The following ACOT9 variants were observed in gnomAD, a reference collection of about 807,000 sequenced individuals.
ACOT9 encodes the protein acyl-coenzyme A thioesterase 9, mitochondrial.
ACOT9 carries 34 observed loss-of-function variants against 39.7 expected under a neutral mutation model. The ratio of observed to expected loss-of-function variants is 0.86; its 90% CI spans 0.65 to 1.14. The LOEUF (loss-of-function observed/expected upper bound fraction) is 1.14. Ranked by LOEUF, ACOT9 falls within the 50% of genes most tolerant of loss-of-function variation. The pLI is 0.00. For missense variants in ACOT9, 313 were observed against 344.1 expected (o/e 0.91, Z 0.71); for synonymous variants, 110 against 120.5 (o/e 0.91, Z 0.57).
At chrX:23,708,365 T>C (rs1190366188) in intron 9 of ACOT9, among the ~76,000 whole-genome samples, 4 of 109,965 alleles carry the variant, frequency 3.6e-5, no homozygotes, top group Admixed American at 9.8e-5. Context: ...ACCTCGTTTC[T>C]ACTAAAAATA....
intron 2 of ACOT9, among the ~76,000 whole-genome samples, chrX:23,735,292 A>AATAG (rs1450688549): frequency 9.4e-6 from 1 of 106,431 alleles, no homozygotes; most frequent in Non-Finnish European, 1.9e-5. Context: ...AAGTACCTCA[A>AATAG]ATAGTACATG....
intron 1 of ACOT9, among the ~76,000 whole-genome samples, chrX:23,739,086 C>T (rs1008028393): frequency 2.7e-5 from 3 of 111,308 alleles, no homozygotes; most frequent in African/African-American, 9.8e-5. Context: ...GGTGAAACCC[C>T]GTCTCTACTA....
At position 23,717,735 on chromosome X, in the gene ACOT9, T is replaced by C. The variant is rs372841816; in HGVS notation, c.588+4146A>G. ...TAAGGAGCACTCAGGAAAGTGGGTA[T>C]GAAGGTCAAGCCCAAAATAGAAATT... On this transcript the variant is annotated intron_variant, in intron 8 of 15. Transcript: ENST00000379303. 1.1e-4 allele frequency among the ~76,000 whole-genome samples: 12 copies of C among 111,657 alleles called. No individual in the cohort carries two copies. In the South Asian group the frequency reaches 4.5e-3, roughly 42 times the overall value.
chrX:23,730,431 T>G (rs757483437), intron 6 of ACOT9, 96 bp downstream of exon 6: 1 of 688,538 alleles, frequency 1.5e-6, no homozygotes, highest in Non-Finnish European at 2.3e-6. Flanking sequence ...AATATCATCA[T>G]CTGTGCAGGT....
At position 23,736,020 on chromosome X, in the gene ACOT9, T is replaced by C; in HGVS notation, c.21-4A>G. 8.4e-7 allele frequency: 1 copy of C among 1,190,163 alleles called. No individual in the cohort carries two copies. Among genetic ancestry groups the C allele is most frequent in the South Asian group, 1.8e-5 (1 of 55,095 alleles). On this transcript the variant is annotated splice_region_variant and splice_polypyrimidine_tract_variant and intron_variant, in intron 1 of 15. Transcript: ENST00000379303. ...CCCTTTGCCCAAGGCACAAAGCCTA[T>C]AAAACAAGATAAAACACAGAGCAGA...
rs571344624 is a variant in ACOT9, at chrX:23,732,889, G to A, written c.191+283C>T. Among the ~76,000 whole-genome samples, 26 of 111,993 alleles carry A rather than the reference G, an allele frequency of 2.3e-4. 2 individuals are homozygous for A. In the South Asian group the frequency reaches 5.8e-3, roughly 25 times the overall value. On this transcript the variant is annotated intron_variant, in intron 4 of 15. Transcript: ENST00000379303. ...AAAAAAAGGAACAGGAACATATGTCGTAAGCACGTCACAAGTTTTGTTATG... is the reference window on the plus strand; with the variant it reads ...AAAAAAAGGAACAGGAACATATGTCATAAGCACGTCACAAGTTTTGTTATG...
At position 23,705,858 on chromosome X, in the gene ACOT9, C is replaced by T. The variant is rs763233076; in HGVS notation, c.843G>A (p.Lys281=). 8 of 1,183,128 alleles carry T rather than the reference C, an allele frequency of 6.8e-6. No homozygotes were observed. In the South Asian group the frequency reaches 1.4e-4, roughly 21 times the overall value. The stretch of plus-strand genomic sequence containing the variant: ...AAACTCGACTCCGAAAACTTATAGT[C>T]CTGTACAAATGAATATTTATTAAAC... ...HEMFLSTLDP[K]TISFRSRVLP... Residue 281 remains lysine, a splice_region_variant and synonymous_variant, in exon 12 of 16, where the codon AAG becomes AAA. Coordinates refer to ENST00000379303, the MANE Select transcript of ACOT9 (RefSeq NM_001037171.2).
intron 7 of ACOT9, among the ~76,000 whole-genome samples, chrX:23,722,425 G>A (rs1261994148): frequency 2.7e-5 from 3 of 110,359 alleles, no homozygotes; most frequent in Non-Finnish European, 5.7e-5. Flanking sequence ...TTAGCCGGGC[G>A]TGGTGGCACA....
intron 6 of ACOT9, 89 bp downstream of exon 6, chrX:23,730,438 A>C (rs1183900622): frequency 1.4e-6 from 1 of 712,684 alleles, no homozygotes; most frequent in East Asian, 3.2e-5. Context: ...TCATCTGTGC[A>C]GGTTAAAGAA....
At chrX:23,742,986 G>C (rs1009953362) in intron 1 of ACOT9, 139 bp downstream of exon 1, 1 of 764,756 alleles carries the variant, frequency 1.3e-6, no homozygotes, top group Non-Finnish European at 1.7e-6. Context: ...AGGTACAGTG[G>C]GCGAGCGCCC....
At chrX:23,742,205 T>TGA (rs1490829230) in intron 1 of ACOT9, among the ~76,000 whole-genome samples, 1 of 65,561 alleles carries the variant, frequency 1.5e-5, no homozygotes, top group Admixed American at 1.9e-4. Flanking sequence ...CCAGGAACAG[T>TGA]GAGTGAGTGA....
At position 23,701,944 on chromosome X, in the gene ACOT9, A is replaced by G. The variant is rs932320540; in HGVS notation, c.*1950T>C. Among the ~76,000 whole-genome samples, 3 of 109,970 alleles carry G rather than the reference A, an allele frequency of 2.7e-5. No homozygotes were observed. The highest frequency in any genetic ancestry group is 5.7e-5 in the Non-Finnish European group (3 of 52,680). ...AAAAACTAGCCAGGCATGGGGGCTG[A>G]CACCTGTAATCCTAGCTACTCAGGA... On this transcript the variant is annotated 3_prime_UTR_variant, in exon 16 of 16. Transcript: ENST00000379303.
rs1239060794 is a variant in ACOT9 at position 23,702,335 on chromosome X, C to A, written c.*1559G>T. 9.7e-6 allele frequency: 1 copy of A among 102,963 alleles called. No homozygotes were observed. The highest frequency in any genetic ancestry group is 3.6e-5 in the African/African-American group (1 of 27,845). 8.5% of individuals were successfully genotyped at this position (102,963 alleles called of 1,213,427 possible). ...GTGGCATGATCACAGCTCACTGCAA[C>A]CTCTGCCTCCCAGGTTCAAGCAGTT... On this transcript the variant is annotated 3_prime_UTR_variant, in exon 16 of 16. Transcript: ENST00000379303.
intron 8 of ACOT9, among the ~76,000 whole-genome samples, chrX:23,717,513 A>G (rs1160917785): frequency 9.0e-6 from 1 of 111,585 alleles, no homozygotes; most frequent in Non-Finnish European, 1.9e-5. Context: ...CAGGGCCAAA[A>G]GGATATGGGG....
intron 11 of ACOT9, among the ~76,000 whole-genome samples, chrX:23,706,127 G>A (rs1002824484): frequency 9.0e-6 from 1 of 110,706 alleles, no homozygotes; most frequent in Non-Finnish European, 1.9e-5. Flanking sequence ...ATTAGCAGGC[G>A]TGGTGGCGGG....
At position 23,731,000 on chromosome X, in the gene ACOT9, A is replaced by T. The variant is rs1329699209; in HGVS notation, c.192-14T>A. The T allele has an allele frequency of 1.7e-6, 2 of 1,199,342 alleles. No homozygotes were observed. Among genetic ancestry groups the T allele is most frequent in the Non-Finnish European group, 2.3e-6 (2 of 887,497 alleles). ...TTCACATGGTCTCTGAGAAGAAAGG[A>T]TGCAGGATTCATAAAACAAGAGCAG... On this transcript the variant is annotated splice_polypyrimidine_tract_variant and intron_variant, in intron 4 of 15. Coordinates refer to ENST00000379303, the MANE Select transcript of ACOT9 (RefSeq NM_001037171.2).
chrX:23,727,040 G>A (rs1355851684), intron 6 of ACOT9, among the ~76,000 whole-genome samples: 1 of 111,759 alleles, frequency 8.9e-6, no homozygotes, highest in African/African-American at 3.2e-5. Context: ...GGCTGGTCTC[G>A]AACTCCTGGC....
At chrX:23,726,312 A>G (rs1820545737) in intron 6 of ACOT9, among the ~76,000 whole-genome samples, 1 of 112,124 alleles carries the variant, frequency 8.9e-6, no homozygotes, top group African/African-American at 3.2e-5. Flanking sequence ...ATCAACAGAA[A>G]AAGAGGAACC....
intron 8 of ACOT9, among the ~76,000 whole-genome samples, chrX:23,719,671 C>T (rs1245245968): frequency 9.0e-6 from 1 of 111,028 alleles, no homozygotes; most frequent in Non-Finnish European, 1.9e-5. Context: ...GCGCAGCTCA[C>T]GATAGGGTTC....
Sources: gnomAD v4.1 joint callset for allele counts (sites outside exome capture counted in the v4.1 genomes callset) on GRCh38, gnomAD v4.1.1 for gene constraint, MANE v1.5 for transcripts, NCBI Gene and HGNC (gene_info 2026-07-23, HGNC 2026-07-21) for gene names.